Variants in BAZ2A observed in about 807,000 individuals in gnomAD.
The protein encoded by BAZ2A is bromodomain adjacent to zinc finger domain 2A, also known as bromodomain adjacent to zinc finger domain protein 2A.
Under a neutral mutation model 199.9 loss-of-function variants are expected in BAZ2A, and 34 were observed. The observed-to-expected ratio is 0.17, with a 90% confidence interval of 0.13 to 0.23. The LOEUF (loss-of-function observed/expected upper bound fraction) is 0.23. Ranked by LOEUF, BAZ2A falls within the 10% of genes least tolerant of loss-of-function variation. BAZ2A has a pLI of 1.00. For missense variants in BAZ2A, 2,002 were observed against 2,391.1 expected (o/e 0.84, Z 3.39); for synonymous variants, 857 against 883.9 (o/e 0.97, Z 0.54).
chr12:56,625,862 C>A (rs1477991087), intron 1 of BAZ2A, among the ~76,000 whole-genome samples: 1 of 124,234 alleles, frequency 8.0e-6, no homozygotes, highest in African/African-American at 3.4e-5. Context: ...GGCGACACAG[C>A]GAAACTCCGT....
intron 7 of BAZ2A, among the ~76,000 whole-genome samples, chr12:56,610,915 CT>C: frequency 1.3e-5 from 2 of 152,218 alleles, no homozygotes; most frequent in South Asian, 4.2e-4. Context: ...AATAAATTTG[CT>C]GCTGATTCCA....
intron 2 of BAZ2A, among the ~76,000 whole-genome samples, chr12:56,615,889 C>CT (rs796592038): frequency 3.3e-5 from 5 of 151,800 alleles, no homozygotes; most frequent in African/African-American, 1.2e-4. Context: ...TTACTGCTGG[C>CT]TTTTTTTTGG....
upstream of BAZ2A, among the ~76,000 whole-genome samples, chr12:56,634,267 G>C (rs1310449569): frequency 6.6e-6 from 1 of 152,100 alleles, no homozygotes; most frequent in Non-Finnish European, 1.5e-5. Flanking sequence ...TCTCCCAACT[G>C]TCCCTGAGGC....
intron 1 of BAZ2A, among the ~76,000 whole-genome samples, chr12:56,626,555 TAC>T (rs1951101802): frequency 6.6e-6 from 1 of 152,220 alleles, no homozygotes; most frequent in Non-Finnish European, 1.5e-5. Context: ...CAGCTCTCTT[TAC>T]ACCTCAGATT....
intron 5 of BAZ2A, among the ~76,000 whole-genome samples, chr12:56,612,774 C>T (rs1950601572): frequency 6.6e-6 from 1 of 152,178 alleles, no homozygotes; most frequent in African/African-American, 2.4e-5. Flanking sequence ...AGGCATGTGC[C>T]AACACACCTG....
intron 10 of BAZ2A, among the ~76,000 whole-genome samples, chr12:56,607,646 C>T (rs1377072742): frequency 6.6e-6 from 1 of 152,182 alleles, no homozygotes; most frequent in Non-Finnish European, 1.5e-5. Flanking sequence ...GCTGGGATTA[C>T]AGCCGTGAGC....
In BAZ2A at chr12:56,600,927, G is replaced by T; in HGVS notation, c.4450+16C>A. ...CTGGGCTCTTCAGCTCAAGCTGGGT[G>T]TAGGAATGTATTTACCAGCTGAGGG... On this transcript the variant is annotated intron_variant, in intron 22 of 28. Coordinates refer to ENST00000549884, the MANE Select transcript of BAZ2A (RefSeq NM_001300905.2). 1 of 1,613,418 alleles carries T rather than the reference G, an allele frequency of 6.2e-7. No individual in the cohort carries two copies. The highest frequency in any genetic ancestry group is 8.5e-7 in the Non-Finnish European group (1 of 1,179,562).
rs746478865 is a variant in BAZ2A, at chr12:56,605,862, GCTT to G, written c.2458_2460del (p.Lys820del). ...TCAGTCAGACACATATCCTCTGTCGGCTTCTTCATTTCCTCCAAGATCATCTGC... is the reference window on the plus strand; with the variant it reads ...TCAGTCAGACACATATCCTCTGTCGGCTTCATTTCCTCCAAGATCATCTGC... On this transcript the variant is annotated inframe_deletion, in exon 13 of 29. Transcript: ENST00000549884. 1.9e-6 allele frequency: 3 copies of G among 1,606,690 alleles called. No homozygotes were observed. Among genetic ancestry groups the G allele is most frequent in the Non-Finnish European group, 2.5e-6 (3 of 1,176,620 alleles).
At position 56,612,059 on chromosome 12, in the gene BAZ2A, T is replaced by C. The variant is rs766902482; in HGVS notation, c.1323A>G (p.Pro441=). The stretch of plus-strand genomic sequence containing the variant: ...CTGGAGAGATTTCTGGGGAGGCTGC[T>C]GGAGAAACCACTAGGGAGACTGCTG... ...TSPAVSLVVS[P]AASPEISPEV... is the part of the protein sequence containing the mutation. Residue 441 remains proline (P), a synonymous_variant, in exon 6 of 29, where the codon CCA becomes CCG. Transcript: ENST00000549884. The C allele has an allele frequency of 4.3e-6, 7 of 1,613,682 alleles. No homozygotes were observed. The South Asian group carries it at 6.6e-5, about 15-fold the overall frequency.
rs951364023 is a variant in BAZ2A at position 56,599,130 on chromosome 12, C to T, written c.5401G>A (p.Glu1801Lys). 1.2e-6 allele frequency: 2 copies of T among 1,608,710 alleles called. No homozygotes were observed. Among genetic ancestry groups the T allele is most frequent in the South Asian group, 1.1e-5 (1 of 90,130 alleles). ...RNHHSDLTFCEIILMEMESHD... is the reference protein window; with the variant it reads ...RNHHSDLTFCKIILMEMESHD... Reference sequence around the variant, plus strand: ...CCCCCCAGGATTCACTCAACTCACTCGCAAAATGTGAGATCACTGTGGTGG... The same window carrying T: ...CCCCCCAGGATTCACTCAACTCACTTGCAAAATGTGAGATCACTGTGGTGG... The change falls in exon 27 of 29, where the codon GAG becomes AAG. Residue 1801 changes from glutamate to lysine, a missense_variant and splice_region_variant. This residue lies in a region of BAZ2A where 122 missense variants were observed against 123.0 expected (regional missense o/e 0.99). Transcript: ENST00000549884.
At chr12:56,615,644 T>G (rs11612524) in intron 2 of BAZ2A, 37 bp from the exon 3 acceptor site, 1 of 1,454,696 alleles carries the variant, frequency 6.9e-7, no homozygotes, top group South Asian at 1.3e-5. Context: ...GTTACAGATA[T>G]GTAGGCAAGC....
rs1174475743 is a variant in BAZ2A, at chr12:56,617,460, G to A, written c.71C>T (p.Ser24Phe). 1 of 1,608,790 alleles carries A rather than the reference G, an allele frequency of 6.2e-7. No individual in the cohort carries two copies. The change falls in exon 2 of 29, where the codon TCT becomes TTT. Residue 24 changes from serine (S) to phenylalanine (F), a missense_variant. By Grantham distance (155) the Ser-to-Phe change is radical. Transcript: ENST00000549884. ...PAPAASGLKP[S>F]PSSGEGLYTN... ...GTAGAGGCCCTCCCCTGAGGAAGGAGAGGGTTTCAGTCCTGAGGCAGCAGG... is the reference window on the plus strand; with the variant it reads ...GTAGAGGCCCTCCCCTGAGGAAGGAAAGGGTTTCAGTCCTGAGGCAGCAGG...
At chr12:56,626,941 A>G in intron 1 of BAZ2A, among the ~76,000 whole-genome samples, 1 of 152,320 alleles carries the variant, frequency 6.6e-6, no homozygotes, top group Admixed American at 6.5e-5. Context: ...CATCAGATGG[A>G]CTTGTTTTTA....
chr12:56,610,449 G>T lies in BAZ2A; in HGVS notation c.1739C>A (p.Pro580His). The change falls in exon 8 of 29, where the codon CCC (proline) becomes CAC (histidine). Residue 580 changes from proline (P) to histidine (H), a missense_variant. By Grantham distance (77) the Pro-to-His change is moderately conservative. Around this residue, in one of 6 missense-constraint regions of BAZ2A, gnomAD observed 74 missense variants for 126.1 expected, o/e 0.59. Transcript: ENST00000549884. ...AAATTGCTTCATCCTCTTCCCACAGGGGCCATAATACCAGGTCTCCCCCTG... is the reference window on the plus strand; with the variant it reads ...AAATTGCTTCATCCTCTTCCCACAGTGGCCATAATACCAGGTCTCCCCCTG... The part of the protein sequence containing the change: ...RWQGETWYYG[P>H]CGKRMKQFPE... 1 of 1,613,758 alleles carries T rather than the reference G, an allele frequency of 6.2e-7. No individual in the cohort carries two copies. The highest frequency in any genetic ancestry group is 8.5e-7 in the Non-Finnish European group (1 of 1,179,836).
upstream of BAZ2A, among the ~76,000 whole-genome samples, chr12:56,632,811 C>G (rs1474142871): frequency 6.6e-6 from 1 of 152,126 alleles, no homozygotes; most frequent in African/African-American, 2.4e-5. Context: ...GTTGGGGTGA[C>G]AGTGTGCCCA....
intron 2 of BAZ2A, 25 bp downstream of exon 2, chr12:56,617,370 C>A (rs1301581029): frequency 6.4e-7 from 1 of 1,571,332 alleles, no homozygotes; most frequent in Non-Finnish European, 8.6e-7. Context: ...ATTCCCTCCC[C>A]AGGCCAAGCA....
rs562319546 is a variant in BAZ2A at position 56,609,908 on chromosome 12, C to T, written c.1920G>A (p.Pro640=). ...QWVQLSAEEI[P]SRIQAITGKR... is the part of the protein sequence containing the mutation. The stretch of plus-strand genomic sequence containing the variant: ...TGCCAGTAATTGCCTGAATCCTCGA[C>T]GGGATCTCCTCTGCTGAGAGCTGCA... The change falls in exon 10 of 29, where the codon CCG becomes CCA. Residue 640 remains proline, a synonymous_variant. Coordinates refer to ENST00000549884, the MANE Select transcript of BAZ2A (RefSeq NM_001300905.2). 28 of 1,612,806 alleles carry T rather than the reference C, an allele frequency of 1.7e-5. No individual in the cohort carries two copies. The highest frequency in any genetic ancestry group is 1.2e-4 in the South Asian group (11 of 90,944).
At chr12:56,621,880 G>A (rs117219697) in intron 1 of BAZ2A, among the ~76,000 whole-genome samples, 3,331 of 152,056 alleles carry the variant, frequency 0.022, 58 homozygotes, top group Admixed American at 0.033. Flanking sequence ...TGTAGACACA[G>A]GGTCTCGCTA....
chr12:56,633,240 G>T (rs1484565730), upstream of BAZ2A, among the ~76,000 whole-genome samples: 1 of 152,220 alleles, frequency 6.6e-6, no homozygotes, highest in South Asian at 2.1e-4. Flanking sequence ...GGCTAGGGCT[G>T]GGAGGAGGAA....
Sources: allele counts gnomAD v4.1 joint callset (sites outside exome capture counted in the v4.1 genomes callset), GRCh38; gene constraint gnomAD v4.1.1; regional missense constraint gnomAD v4.1.1; transcripts MANE v1.5; gene names NCBI Gene and HGNC (gene_info 2026-07-23, HGNC 2026-07-21).